The following TRPM3 variants were observed in gnomAD, a reference collection of about 807,000 sequenced individuals.
The protein encoded by TRPM3 is long transient receptor potential channel 3.
A neutral mutation model predicts 181.2 loss-of-function variants in TRPM3; 77 were observed. The ratio of observed to expected loss-of-function variants is 0.42; its 90% CI spans 0.35 to 0.51. The LOEUF (loss-of-function observed/expected upper bound fraction) is 0.51, where lower values mean the gene tolerates loss of function less well. TRPM3 is among the 20% of genes least tolerant of loss of function. TRPM3 has a pLI of 0.01. For synonymous variants in TRPM3, 745 were observed against 796.4 expected, an observed-to-expected ratio of 0.94 and a Z score of 1.09; for missense variants, 1,759 against 2,196.7, an observed-to-expected ratio of 0.80 and a Z score of 3.98.
intron 1 of TRPM3, among the ~76,000 whole-genome samples, chr9:70,909,836 C>T (rs182347496): frequency 6.9e-4 from 105 of 152,078 alleles, no homozygotes; most frequent in East Asian, 9.7e-4. Flanking sequence ...ACTTTTGCAC[C>T]GACCCAAACT....
intron 6 of TRPM3, among the ~76,000 whole-genome samples, chr9:70,808,709 A>C (rs571785822): frequency 6.6e-6 from 1 of 152,330 alleles, no homozygotes; most frequent in South Asian, 2.1e-4. Context: ...AAGGCGGAGA[A>C]AGCTTTAAAC....
intron 7 of TRPM3, among the ~76,000 whole-genome samples, chr9:70,781,326 TAAAAAAA>T (rs35173071): frequency 9.4e-6 from 1 of 106,122 alleles, no homozygotes; most frequent in East Asian, 2.7e-4. Context: ...TTCCATTTCA[TAAAAAAA>T]AAAAAAAAAA....
chr9:71,065,674 A>G (rs2061829480), intron 1 of TRPM3, among the ~76,000 whole-genome samples: 1 of 152,234 alleles, frequency 6.6e-6, no homozygotes, highest in Admixed American at 6.5e-5. Context: ...CAATTGTCCA[A>G]AGCAATCCTG....
intron 1 of TRPM3, among the ~76,000 whole-genome samples, chr9:70,972,145 G>A (rs2097253641): frequency 6.6e-6 from 1 of 152,116 alleles, no homozygotes; most frequent in African/African-American, 2.4e-5. Context: ...GATATTCATA[G>A]CCGCATCATT....
chr9:71,278,339 A>C (rs1207472821), intron 1 of TRPM3, among the ~76,000 whole-genome samples: 1 of 152,220 alleles, frequency 6.6e-6, no homozygotes, highest in Non-Finnish European at 1.5e-5. Flanking sequence ...GGCCATGCCA[A>C]AGAGGTCAAA....
At chr9:70,947,370 T>TAGAAAAAC (rs2096945169) in intron 1 of TRPM3, among the ~76,000 whole-genome samples, 1 of 152,218 alleles carries the variant, frequency 6.6e-6, no homozygotes, top group Non-Finnish European at 1.5e-5. Flanking sequence ...AAGCCTGTGC[T>TAGAAAAAC]CTATCTCCAC....
chr9:71,002,486 T>G (rs755997198), intron 1 of TRPM3, among the ~76,000 whole-genome samples: 5 of 152,204 alleles, frequency 3.3e-5, no homozygotes, highest in Non-Finnish European at 5.9e-5. Context: ...AACACAATTA[T>G]TTTACATTGA....
chr9:71,202,186 G>C (rs952506292), intron 1 of TRPM3, among the ~76,000 whole-genome samples: 1 of 152,146 alleles, frequency 6.6e-6, no homozygotes. Context: ...TCATTCCTCT[G>C]GAAGTTTTGT....
At chr9:71,334,925 T>C (rs1445411632) in intron 1 of TRPM3, among the ~76,000 whole-genome samples, 1 of 152,146 alleles carries the variant, frequency 6.6e-6, no homozygotes, top group African/African-American at 2.4e-5. Flanking sequence ...ATTCTCCATA[T>C]ACATACCAAT....
chr9:71,289,009 G>A (rs1364646835), intron 1 of TRPM3, among the ~76,000 whole-genome samples: 1 of 152,062 alleles, frequency 6.6e-6, no homozygotes, highest in African/African-American at 2.4e-5. Flanking sequence ...CAATGTAACT[G>A]GCTCAACAGT....
At chr9:71,379,398 G>A (rs2092741156) in intron 1 of TRPM3, among the ~76,000 whole-genome samples, 1 of 152,030 alleles carries the variant, frequency 6.6e-6, no homozygotes, top group Non-Finnish European at 1.5e-5. Context: ...ATAGTCAATT[G>A]ACTAACTGGC....
chr9:71,175,659 C>A (rs1158582051), intron 1 of TRPM3, among the ~76,000 whole-genome samples: 1 of 152,144 alleles, frequency 6.6e-6, no homozygotes, highest in African/African-American at 2.4e-5. Context: ...TGTGCCATCA[C>A]AGAAGGCAGA....
Position 70,667,640 on chromosome 9 carries a change from T to C in TRPM3, c.1345+13866A>G, listed in dbSNP as rs560489426. 9.8e-4 allele frequency among the ~76,000 whole-genome samples: 149 copies of C among 152,324 alleles called. 2 individuals are homozygous for C. Among genetic ancestry groups the C allele is most frequent in the African/African-American group, 3.5e-3 (145 of 41,564 alleles). Reference sequence around the variant, plus strand: ...GGCATTCTGTCTGCTTCTTAAAAAATACAATAAATCTTTTATATTTTCTCT... The same window carrying C: ...GGCATTCTGTCTGCTTCTTAAAAAACACAATAAATCTTTTATATTTTCTCT... On this transcript the variant is annotated intron_variant, in intron 9 of 25. Transcript: ENST00000677713.
chr9:70,849,523 G>T (rs533805801), intron 3 of TRPM3, among the ~76,000 whole-genome samples: 2 of 152,238 alleles, frequency 1.3e-5, no homozygotes, highest in African/African-American at 4.8e-5. Flanking sequence ...AAGGTAGGAA[G>T]ATAAACTAAG....
intron 19 of TRPM3, 110 bp downstream of exon 19, chr9:70,610,499 T>C: frequency 7.4e-7 from 1 of 1,344,418 alleles, no homozygotes; most frequent in Non-Finnish European, 1.0e-6. Context: ...GAACTTTCAC[T>C]CCTGTGTGTG....
intron 1 of TRPM3, among the ~76,000 whole-genome samples, chr9:71,311,916 T>C (rs2087984177): frequency 6.6e-6 from 1 of 152,202 alleles, no homozygotes; most frequent in Non-Finnish European, 1.5e-5. Flanking sequence ...AAAAATCTCA[T>C]GTTTTAAGCA....
At chr9:70,848,288 G>T (rs1469400994) in intron 3 of TRPM3, among the ~76,000 whole-genome samples, 1 of 152,010 alleles carries the variant, frequency 6.6e-6, no homozygotes, top group Non-Finnish European at 1.5e-5. Context: ...AATGATAATA[G>T]ATCCAGAAGA....
At chr9:71,249,978 CTG>C (rs1473857675) in intron 1 of TRPM3, among the ~76,000 whole-genome samples, 1 of 152,208 alleles carries the variant, frequency 6.6e-6, no homozygotes, top group Non-Finnish European at 1.5e-5. Context: ...ACTGGTAAAA[CTG>C]TACAATGTGA....
At chr9:71,264,230 G>A (rs2083241007) in intron 1 of TRPM3, among the ~76,000 whole-genome samples, 1 of 152,000 alleles carries the variant, frequency 6.6e-6, no homozygotes, top group Non-Finnish European at 1.5e-5. Context: ...CCACAAAAAG[G>A]GCCAAGAGCT....
Sources: gnomAD v4.1 joint callset for allele counts (sites outside exome capture counted in the v4.1 genomes callset) on GRCh38, gnomAD v4.1.1 for gene constraint, MANE v1.5 for transcripts, NCBI Gene and HGNC (gene_info 2026-07-23, HGNC 2026-07-21) for gene names.